ZNF804B: variants seen among roughly 807,000 people sequenced by gnomAD.
ZNF804B encodes zinc finger protein 804B.
ZNF804B carries 80 observed loss-of-function variants against 101.4 expected under a neutral mutation model. That is an observed-to-expected ratio of 0.79 (90% CI 0.66 to 0.95). ZNF804B has a LOEUF of 0.95. ZNF804B is among the 40% of genes least tolerant of loss of function. The pLI is 0.00. For missense variants in ZNF804B, 1,673 were observed against 1,561.9 expected, an observed-to-expected ratio of 1.07 and a Z score of -1.20; for synonymous variants, 622 against 558.8, an observed-to-expected ratio of 1.11 and a Z score of -1.59.
intron 1 of ZNF804B, among the ~76,000 whole-genome samples, chr7:88,888,787 GTTTT>G (rs1408912249): frequency 1.3e-5 from 2 of 151,530 alleles, no homozygotes; most frequent in East Asian, 3.9e-4. Flanking sequence ...GTTTTGTTTT[GTTTT>G]TTTAACTTCA....
At position 89,334,834 on chromosome 7, in the gene ZNF804B, C is replaced by G. The variant is rs911002300; in HGVS notation, c.1852C>G (p.Leu618Val). The stretch of plus-strand genomic sequence containing the variant: ...TTGGCAAGGCTGCAGAAAGGCAGTT[C>G]TAAATGATATAGATGAGGACCTATC... Reference protein sequence around the residue: ...AHWQGCRKAVLNDIDEDLSFP... With the variant: ...AHWQGCRKAVVNDIDEDLSFP... The change falls in exon 4 of 4, where the codon CTA becomes GTA. Residue 618 changes from leucine to valine, a missense_variant. Physicochemically the swap from Leu to Val is conservative, Grantham distance 32 (BLOSUM62 1). Coordinates refer to ENST00000333190, the MANE Select transcript of ZNF804B (RefSeq NM_181646.5). 1 of 1,613,792 alleles carries G rather than the reference C, an allele frequency of 6.2e-7. No homozygotes were observed. Among genetic ancestry groups the G allele is most frequent in the Non-Finnish European group, 8.5e-7 (1 of 1,179,874 alleles).
At chr7:88,943,928 G>A (rs577379000) in intron 1 of ZNF804B, among the ~76,000 whole-genome samples, 16 of 151,798 alleles carry the variant, frequency 1.1e-4, no homozygotes, top group African/African-American at 3.4e-4. Context: ...TCATTTCATC[G>A]TATGTATCAG....
chr7:89,206,550 G>A (rs552918550), intron 1 of ZNF804B, among the ~76,000 whole-genome samples: 124 of 152,112 alleles, frequency 8.2e-4, no homozygotes, highest in South Asian at 1.7e-3. Context: ...TCAGGAGTTC[G>A]AGACCAGCCT....
At chr7:89,274,481 G>A (rs1789948235) in intron 2 of ZNF804B, among the ~76,000 whole-genome samples, 1 of 149,878 alleles carries the variant, frequency 6.7e-6, no homozygotes, top group Admixed American at 6.6e-5. Context: ...CCCTACAAAG[G>A]ACATGAACTC....
At chr7:89,241,360 T>G (rs1053889215) in intron 2 of ZNF804B, among the ~76,000 whole-genome samples, 1 of 152,070 alleles carries the variant, frequency 6.6e-6, no homozygotes, top group Non-Finnish European at 1.5e-5. Context: ...GGTGCTTTTT[T>G]CCTTCTCTGA....
chr7:88,950,257 A>G (rs894922918), intron 1 of ZNF804B, among the ~76,000 whole-genome samples: 2 of 151,936 alleles, frequency 1.3e-5, no homozygotes, highest in Non-Finnish European at 2.9e-5. Context: ...TAAATTGTTT[A>G]TCAGTTTAAT....
intron 1 of ZNF804B, among the ~76,000 whole-genome samples, chr7:89,195,894 A>G (rs974325604): frequency 1.6e-4 from 2 of 12,364 alleles, no homozygotes; most frequent in Admixed American, 5.9e-4. Flanking sequence ...ACTGCTCAAA[A>G]AATCAGAGAG....
chr7:88,812,485 CA>C (rs1385432419), intron 1 of ZNF804B, among the ~76,000 whole-genome samples: 1 of 152,064 alleles, frequency 6.6e-6, no homozygotes. Flanking sequence ...ATAGATTTAC[CA>C]GATGAGTCAA....
chr7:89,117,733 TCATTA>T, intron 1 of ZNF804B, among the ~76,000 whole-genome samples: 1 of 152,336 alleles, frequency 6.6e-6, no homozygotes, highest in Middle Eastern at 3.4e-3. Context: ...ATTATCATAC[TCATTA>T]CATATGTAAC....
At chr7:88,882,553 C>T (rs887321435) in intron 1 of ZNF804B, among the ~76,000 whole-genome samples, 5 of 152,060 alleles carry the variant, frequency 3.3e-5, no homozygotes, top group African/African-American at 9.7e-5. Flanking sequence ...AATTGTTCTA[C>T]GAAGAAACAA....
At chr7:88,886,264 G>A (rs1792125646) in intron 1 of ZNF804B, among the ~76,000 whole-genome samples, 1 of 152,008 alleles carries the variant, frequency 6.6e-6, no homozygotes. Flanking sequence ...GCTCTGCATG[G>A]ATGTATATTT....
At chr7:88,804,423 T>C (rs1035650830) in intron 1 of ZNF804B, among the ~76,000 whole-genome samples, 2 of 152,112 alleles carry the variant, frequency 1.3e-5, no homozygotes, top group African/African-American at 4.8e-5. Context: ...CTTAAGATTG[T>C]CAGCTTCTAT....
At chr7:89,004,923 G>A (rs368100903) in intron 1 of ZNF804B, among the ~76,000 whole-genome samples, 20 of 151,630 alleles carry the variant, frequency 1.3e-4, no homozygotes, top group East Asian at 3.9e-4. Flanking sequence ...GCTATATTTT[G>A]TGTATCAGAT....
chr7:89,196,931 C>A (rs1446556139), intron 1 of ZNF804B, among the ~76,000 whole-genome samples: 1 of 152,000 alleles, frequency 6.6e-6, no homozygotes, highest in Non-Finnish European at 1.5e-5. Flanking sequence ...GCATCTCACG[C>A]CAATCAGAAT....
chr7:89,272,858 C>A (rs1162771058), intron 2 of ZNF804B, among the ~76,000 whole-genome samples: 3 of 152,010 alleles, frequency 2.0e-5, no homozygotes, highest in African/African-American at 7.2e-5. Context: ...ATTGGAAAGG[C>A]CAACTCCAAT....
At position 89,171,343 on chromosome 7, in the gene ZNF804B, C is replaced by CTTCTTCTTCTTT. The variant is rs1562904516; in HGVS notation, c.109-46801_109-46800insTTTCTTCTTCTT. On this transcript the variant is annotated intron_variant, in intron 1 of 3. Transcript: ENST00000333190. ...TCTTCTTCTTCTTCTTCTTCTTCTT[C>CTTCTTCTTCTTT]TTCTTCTTCTTCTTCCTCCTCTTCC... 3.8e-4 allele frequency among the ~76,000 whole-genome samples: 51 copies of CTTCTTCTTCTTT among 132,484 alleles called. 1 individual carries two copies. Among genetic ancestry groups the CTTCTTCTTCTTT allele is most frequent in the African/African-American group, 1.4e-3 (48 of 35,304 alleles). 86.9% of individuals were successfully genotyped at this position (132,484 alleles called of 152,430 possible).
intron 1 of ZNF804B, among the ~76,000 whole-genome samples, chr7:89,127,639 T>C (rs1382633426): frequency 6.6e-6 from 1 of 151,748 alleles, no homozygotes; most frequent in African/African-American, 2.4e-5. Flanking sequence ...ATATAGTTCT[T>C]TTTAGTCCCA....
intron 1 of ZNF804B, among the ~76,000 whole-genome samples, chr7:88,930,029 G>T (rs1197405777): frequency 6.6e-6 from 1 of 151,790 alleles, no homozygotes; most frequent in African/African-American, 2.4e-5. Context: ...TGTAATTGTG[G>T]AGTGTCCACA....
At chr7:88,923,149 T>G (rs1194355722) in intron 1 of ZNF804B, among the ~76,000 whole-genome samples, 1 of 152,006 alleles carries the variant, frequency 6.6e-6, no homozygotes, top group East Asian at 1.9e-4. Context: ...GGTATGGCAT[T>G]GTGTGTGACG....
Sources: allele counts gnomAD v4.1 joint callset (sites outside exome capture counted in the v4.1 genomes callset), GRCh38; gene constraint gnomAD v4.1.1; transcripts MANE v1.5; gene names NCBI Gene and HGNC (gene_info 2026-07-23, HGNC 2026-07-21).